The following XKR9 variants were observed in gnomAD, a reference collection of about 807,000 sequenced individuals.
XKR9 encodes the protein XK related 9.
In XKR9, 32 loss-of-function variants were observed where a neutral mutation model predicts 32.0. That is an observed-to-expected ratio of 1.00 (90% CI 0.76 to 1.34). The LOEUF (loss-of-function observed/expected upper bound fraction) is 1.34, where lower values mean the gene tolerates loss of function less well. XKR9 is among the 40% of genes most tolerant of loss of function. The pLI, the probability that XKR9 is intolerant of heterozygous loss-of-function variation, is 0.00. For synonymous variants in XKR9, 168 were observed against 143.4 expected, an observed-to-expected ratio of 1.17 and a Z score of -1.22; for missense variants, 546 against 429.7, an observed-to-expected ratio of 1.27 and a Z score of -2.39.
the XKR9 span, among the ~76,000 whole-genome samples, chr8:70,866,601 ATTTT>A: frequency 3.4e-5 from 5 of 146,844 alleles, no homozygotes; most frequent in Admixed American, 2.0e-4. Flanking sequence ...AACTAATGGA[ATTTT>A]TTTTTTTTTA....
chr8:70,827,334 G>A, the XKR9 span, among the ~76,000 whole-genome samples: 2 of 152,108 alleles, frequency 1.3e-5, no homozygotes, highest in Admixed American at 1.3e-4. Context: ...CAAACATAAA[G>A]TATAGATGTT....
chr8:70,885,462 C>G, the XKR9 span, among the ~76,000 whole-genome samples: 3 of 152,128 alleles, frequency 2.0e-5, no homozygotes, highest in Non-Finnish European at 4.4e-5. Context: ...AAGTTTGTTA[C>G]ATAGGTATAC....
At chr8:70,856,797 C>G in the XKR9 span, among the ~76,000 whole-genome samples, 23 of 152,258 alleles carry the variant, frequency 1.5e-4, no homozygotes, top group African/African-American at 5.5e-4. Context: ...CACAATCAAA[C>G]TAGAACTCAG....
chr8:70,854,352 C>T, the XKR9 span, among the ~76,000 whole-genome samples: 23 of 152,248 alleles, frequency 1.5e-4, no homozygotes, highest in Non-Finnish European at 2.2e-4. Flanking sequence ...TCATATCCTT[C>T]GCCCACTTGT....
At chr8:70,989,076 G>C in the XKR9 span, among the ~76,000 whole-genome samples, 1 of 152,116 alleles carries the variant, frequency 6.6e-6, no homozygotes, top group Non-Finnish European at 1.5e-5. Context: ...GTGGACATTT[G>C]GGTTGCTTCT....
intron 4 of XKR9, among the ~76,000 whole-genome samples, chr8:70,715,223 C>G (rs558009324): frequency 6.6e-6 from 1 of 152,244 alleles, no homozygotes; most frequent in Non-Finnish European, 1.5e-5. Flanking sequence ...AAACATGTCC[C>G]CTATGCTTAA....
At chr8:70,780,634 T>C (rs1807602261) in intron 2 of XKR9, among the ~76,000 whole-genome samples, 1 of 152,166 alleles carries the variant, frequency 6.6e-6, no homozygotes, top group Non-Finnish European at 1.5e-5. Flanking sequence ...GAAGCATGAC[T>C]GCCGACAGCA....
the XKR9 span, among the ~76,000 whole-genome samples, chr8:70,984,279 G>T: frequency 6.6e-6 from 1 of 152,286 alleles, no homozygotes; most frequent in Admixed American, 6.5e-5. Flanking sequence ...TGCAGGTCAA[G>T]GGGGGCCCAG....
At chr8:70,762,860 A>G (rs1314828049) in intron 2 of XKR9, among the ~76,000 whole-genome samples, 3 of 152,160 alleles carry the variant, frequency 2.0e-5, no homozygotes, top group Non-Finnish European at 1.5e-5. Flanking sequence ...GTAAAACTCA[A>G]TGAGCTTTAT....
the XKR9 span, among the ~76,000 whole-genome samples, chr8:71,007,730 A>G: frequency 6.6e-6 from 1 of 152,166 alleles, no homozygotes. Context: ...CTGAAAATGT[A>G]TACAACTAGG....
intron 2 of XKR9, among the ~76,000 whole-genome samples, chr8:70,776,947 C>CTCTCTATATATATATATATATA: frequency 2.4e-4 from 13 of 54,212 alleles, no homozygotes; most frequent in Middle Eastern, 0.013. Context: ...CTCTCTCTCT[C>CTCTCTATATATATATATATATA]TATATATATA....
the XKR9 span, among the ~76,000 whole-genome samples, chr8:71,054,020 A>C: frequency 1.3e-5 from 2 of 152,220 alleles, no homozygotes; most frequent in African/African-American, 4.8e-5. Context: ...TCAGGCATGA[A>C]AGTGAACCAT....
downstream of XKR9, among the ~76,000 whole-genome samples, chr8:70,740,289 T>C (rs916209681): frequency 6.6e-6 from 1 of 152,206 alleles, no homozygotes. Context: ...ATTCTTCACG[T>C]AGTTCTCGAG....
the XKR9 span, among the ~76,000 whole-genome samples, chr8:71,048,034 C>T: frequency 6.6e-6 from 1 of 152,036 alleles, no homozygotes; most frequent in Non-Finnish European, 1.5e-5. Flanking sequence ...TCTGTCAGTG[C>T]CTTCTAGAAT....
intron 3 of XKR9, among the ~76,000 whole-genome samples, chr8:70,691,819 T>C (rs1308436782): frequency 6.6e-6 from 1 of 152,234 alleles, no homozygotes; most frequent in Non-Finnish European, 1.5e-5. Context: ...ATTATAGCCC[T>C]GTAGTATAGT....
At chr8:71,058,599 A>G in the XKR9 span, among the ~76,000 whole-genome samples, 1 of 152,244 alleles carries the variant, frequency 6.6e-6, no homozygotes, top group Non-Finnish European at 1.5e-5. Flanking sequence ...GAGGTCTCCT[A>G]ATCTTAGCTC....
the XKR9 span, among the ~76,000 whole-genome samples, chr8:70,830,140 T>A: frequency 1.3e-5 from 2 of 152,230 alleles, no homozygotes; most frequent in African/African-American, 4.8e-5. Flanking sequence ...TTTGTTGGTC[T>A]GTTTTCTTTG....
intron 2 of XKR9, among the ~76,000 whole-genome samples, chr8:70,785,739 C>CTATA (rs58917686): frequency 9.9e-5 from 13 of 131,230 alleles, no homozygotes; most frequent in South Asian, 4.8e-4. Flanking sequence ...CTCTCTCTCT[C>CTATA]TATATATATA....
chr8:70,886,978 C>G, the XKR9 span, among the ~76,000 whole-genome samples: 4 of 152,060 alleles, frequency 2.6e-5, no homozygotes, highest in African/African-American at 9.6e-5. Context: ...TGTTCTTTAC[C>G]TAGTCAGCTC....
Sources: allele counts gnomAD v4.1 joint callset (sites outside exome capture counted in the v4.1 genomes callset), GRCh38; gene constraint gnomAD v4.1.1; transcripts MANE v1.5; gene names NCBI Gene and HGNC (gene_info 2026-07-23, HGNC 2026-07-21).